Variants in GALNT18 observed in about 807,000 individuals in gnomAD.
The protein encoded by GALNT18 is GalNAc-transferase 18.
Under a neutral mutation model 69.5 loss-of-function variants are expected in GALNT18, and 44 were observed. That is an observed-to-expected ratio of 0.63 (90% CI 0.50 to 0.81). The LOEUF is 0.81. GALNT18 is among the 40% of genes least tolerant of loss of function. The pLI, the probability that GALNT18 is intolerant of heterozygous loss-of-function variation, is 0.00. For missense variants in GALNT18, 715 were observed against 810.0 expected, an observed-to-expected ratio of 0.88 and a Z score of 1.42; for synonymous variants, 364 against 318.2, an observed-to-expected ratio of 1.14 and a Z score of -1.53.
In GALNT18 at chr11:11,595,588, G is replaced by A. The variant is rs933742209; in HGVS notation, c.235+25771C>T. 1.1e-4 allele frequency among the ~76,000 whole-genome samples: 17 copies of A among 152,212 alleles called. No individual in the cohort carries two copies. Among genetic ancestry groups the A allele is most frequent in the African/African-American group, 4.1e-4 (17 of 41,460 alleles). ...CAACACTCATTATCCTAGTGGGTGT[G>A]AAGCCATATCTCATTGTGGTTTTGA... is the stretch of plus-strand genomic sequence containing the variant. On this transcript the variant is annotated intron_variant, in intron 1 of 10. Coordinates refer to ENST00000227756, the MANE Select transcript of GALNT18 (RefSeq NM_198516.3). The surrounding 1 kb of genome is among the most constrained non-coding windows in gnomAD (Gnocchi z 5.2).
intron 2 of GALNT18, among the ~76,000 whole-genome samples, chr11:11,447,754 G>C (rs1311195248): frequency 6.6e-6 from 1 of 152,064 alleles, no homozygotes; most frequent in African/African-American, 2.4e-5. Context: ...AGAACAGTAT[G>C]GGGGAAACCA....
At chr11:11,552,582 C>G (rs532227209) in intron 1 of GALNT18, among the ~76,000 whole-genome samples, 47 of 143,724 alleles carry the variant, frequency 3.3e-4, no homozygotes, top group Middle Eastern at 3.5e-3. Flanking sequence ...GTTACTTAAC[C>G]TCAGCCTCAG....
At chr11:11,395,370 T>A (rs1376102696) in intron 3 of GALNT18, among the ~76,000 whole-genome samples, 1 of 152,256 alleles carries the variant, frequency 6.6e-6, no homozygotes, top group Non-Finnish European at 1.5e-5. Flanking sequence ...CAGTGCCCAC[T>A]GTGTGGCAGG....
Position 11,332,201 on chromosome 11 carries a change from C to T in GALNT18, c.1416+493G>A, listed in dbSNP as rs547452044. 1.3e-5 allele frequency among the ~76,000 whole-genome samples: 2 copies of T among 152,134 alleles called. No homozygotes were observed. Among genetic ancestry groups the T allele is most frequent in the Admixed American group, 1.3e-4 (2 of 15,278 alleles). On this transcript the variant is annotated intron_variant, in intron 8 of 10. Coordinates refer to ENST00000227756, the MANE Select transcript of GALNT18 (RefSeq NM_198516.3). This position sits in a 1 kb window ranked among gnomAD's most constrained non-coding sequence, Gnocchi z 4.3. ...TCCCATCAGGGAGAACTTCTCTGTG[C>T]CCATCAACAAGCAGTACTAAAAATA...
Position 11,396,106 on chromosome 11 carries a change from C to T in GALNT18, c.596-16842G>A, listed in dbSNP as rs1411188429. On this transcript the variant is annotated intron_variant, in intron 3 of 10. Transcript: ENST00000227756. The surrounding 1 kb of genome is among the most constrained non-coding windows in gnomAD (Gnocchi z 5.2). ...GCTGATCCCCATGGGGCTGAACAGT[C>T]CCAAAGAGTTAGAGAGAAAAGTCTT... 1.3e-5 allele frequency among the ~76,000 whole-genome samples: 2 copies of T among 152,164 alleles called. No individual in the cohort carries two copies. The highest frequency in any genetic ancestry group is 4.8e-5 in the African/African-American group (2 of 41,432).
chr11:11,528,224 T>C (rs1413187962), intron 1 of GALNT18, among the ~76,000 whole-genome samples: 1 of 152,182 alleles, frequency 6.6e-6, no homozygotes, highest in Non-Finnish European at 1.5e-5. Flanking sequence ...AGAATAATAT[T>C]GTGTGTTTGT....
intron 8 of GALNT18, among the ~76,000 whole-genome samples, chr11:11,331,644 G>A (rs1196316291): frequency 2.0e-5 from 3 of 152,176 alleles, no homozygotes; most frequent in Non-Finnish European, 4.4e-5. Context: ...CCAAAGGGAG[G>A]AATCAGAGTG....
intron 1 of GALNT18, among the ~76,000 whole-genome samples, chr11:11,499,269 A>G (rs1472605769): frequency 3.9e-5 from 6 of 152,226 alleles, no homozygotes; most frequent in Non-Finnish European, 7.4e-5. Flanking sequence ...CAGTATTTCC[A>G]TCAGCTGGCA....
At chr11:11,462,860 G>C (rs887240116) in intron 1 of GALNT18, among the ~76,000 whole-genome samples, 1 of 152,270 alleles carries the variant, frequency 6.6e-6, no homozygotes, top group East Asian at 1.9e-4. Context: ...CCACCCGGGA[G>C]GGGTCCTGCA....
chr11:11,569,221 A>T (rs1323055578), intron 1 of GALNT18, among the ~76,000 whole-genome samples: 1 of 147,608 alleles, frequency 6.8e-6, no homozygotes, highest in Non-Finnish European at 1.5e-5. Context: ...CTCCAAGGTG[A>T]TTATTAGATT....
Position 11,404,330 on chromosome 11 carries a change from C to A in GALNT18, c.596-25066G>T, listed in dbSNP as rs1036877228. 6.6e-6 allele frequency among the ~76,000 whole-genome samples: 1 copy of A among 152,146 alleles called. No homozygotes were observed. On this transcript the variant is annotated intron_variant, in intron 3 of 10. Coordinates refer to ENST00000227756, the MANE Select transcript of GALNT18 (RefSeq NM_198516.3). This position sits in a 1 kb window ranked among gnomAD's most constrained non-coding sequence, Gnocchi z 4.5. ...CATCTGTGAATAGGGGTAAGACAAG[C>A]GGGTATATTAGTTGGATTCAACTTC...
chr11:11,431,942 G>C lies in GALNT18; in HGVS notation c.595+679C>G, dbSNP rs181325501. Among the ~76,000 whole-genome samples the C allele has an allele frequency of 2.6e-5, 4 of 152,284 alleles. No homozygotes were observed. The East Asian group carries it at 7.7e-4, about 29-fold the overall frequency. On this transcript the variant is annotated intron_variant, in intron 3 of 10. Transcript: ENST00000227756. ...CTGGAATGGTATATGATGGCATATG[G>C]GGGGGCAAAGAATCAGAGACCAAGA...
chr11:11,603,946 G>T lies in GALNT18; in HGVS notation c.235+17413C>A, dbSNP rs1396889872. On this transcript the variant is annotated intron_variant, in intron 1 of 10. Transcript: ENST00000227756. The surrounding 1 kb of genome is among the most constrained non-coding windows in gnomAD (Gnocchi z 4.5). The stretch of plus-strand genomic sequence containing the variant: ...GATGGAATTAGGAGGTAGGGCCTTT[G>T]GGAGGTGATAAGGCCATGAGGGTGG... Among the ~76,000 whole-genome samples the T allele has an allele frequency of 2.0e-5, 3 of 152,140 alleles. No individual in the cohort carries two copies. The highest frequency in any genetic ancestry group is 2.0e-4 in the Admixed American group (3 of 15,288).
At chr11:11,390,613 C>T (rs1448328735) in intron 3 of GALNT18, among the ~76,000 whole-genome samples, 3 of 152,150 alleles carry the variant, frequency 2.0e-5, no homozygotes, top group South Asian at 4.2e-4. Context: ...TCAGGAGACC[C>T]GGAGGGCTTC....
intron 1 of GALNT18, among the ~76,000 whole-genome samples, chr11:11,581,758 C>A (rs966623879): frequency 1.3e-5 from 2 of 152,162 alleles, no homozygotes; most frequent in African/African-American, 4.8e-5. Flanking sequence ...GTGGCTGCTG[C>A]ATCTTTAGCA....
At chr11:11,303,467 C>A (rs1051561165) in intron 9 of GALNT18, among the ~76,000 whole-genome samples, 1 of 152,126 alleles carries the variant, frequency 6.6e-6, no homozygotes, top group African/African-American at 2.4e-5. Context: ...TCAGGATCTG[C>A]TTCTAGAGAA....
chr11:11,312,655 G>A (rs183346877), intron 9 of GALNT18, among the ~76,000 whole-genome samples: 1 of 152,300 alleles, frequency 6.6e-6, no homozygotes, highest in East Asian at 1.9e-4. Flanking sequence ...CAAAGCCTCT[G>A]TAAGGTAGAT....
intron 10 of GALNT18, among the ~76,000 whole-genome samples, chr11:11,280,031 A>C (rs575144594): frequency 3.3e-5 from 5 of 152,100 alleles, no homozygotes; most frequent in African/African-American, 1.2e-4. Flanking sequence ...GGGACATGGG[A>C]TTACCGACTT....
chr11:11,411,896 T>A (rs1854738323), intron 3 of GALNT18, among the ~76,000 whole-genome samples: 1 of 152,174 alleles, frequency 6.6e-6, no homozygotes, highest in Non-Finnish European at 1.5e-5. Context: ...AAGGCTGGAA[T>A]TTTTAGACAC....
Sources: gnomAD v4.1 joint callset for allele counts (sites outside exome capture counted in the v4.1 genomes callset) on GRCh38, gnomAD v4.1.1 for gene constraint, Gnocchi (gnomAD v3.1) non-coding constraint, MANE v1.5 for transcripts, NCBI Gene and HGNC (gene_info 2026-07-23, HGNC 2026-07-21) for gene names.